The following MYO3A variants were observed in gnomAD, a reference collection of about 807,000 sequenced individuals.
MYO3A encodes myosin IIIA, also known as myosin-IIIa.
Under a neutral mutation model 192.7 loss-of-function variants are expected in MYO3A, and 180 were observed. The observed-to-expected ratio is 0.93, with a 90% CI of 0.83 to 1.06. MYO3A has a LOEUF of 1.06. Among genes scored for constraint, MYO3A ranks in the 50% least tolerant of loss-of-function variants. The pLI, the probability that MYO3A is intolerant of heterozygous loss-of-function variation, is 0.00. For synonymous variants in MYO3A, 628 were observed against 645.3 expected, an observed-to-expected ratio of 0.97 and a Z score of 0.41; for missense variants, 1,896 against 1,905.0, an observed-to-expected ratio of 1.00 and a Z score of 0.09.
chr10:26,167,061 G>A (rs1221758130), intron 27 of MYO3A, among the ~76,000 whole-genome samples: 1 of 152,140 alleles, frequency 6.6e-6, no homozygotes, highest in African/African-American at 2.4e-5. Flanking sequence ...TATATCTTAA[G>A]GGGATATGAA....
Position 26,016,855 on chromosome 10 carries a change from C to G in MYO3A, c.544C>G (p.Arg182Gly). 6.2e-7 allele frequency: 1 copy of G among 1,614,188 alleles called. No individual in the cohort carries two copies. Among genetic ancestry groups the G allele is most frequent in the Non-Finnish European group, 8.5e-7 (1 of 1,180,020 alleles). Residue 182 changes from arginine to glycine, a missense_variant, in exon 7 of 35, where the codon CGG becomes GGG. Coordinates refer to ENST00000642920, the MANE Select transcript of MYO3A (RefSeq NM_017433.5). The part of the protein sequence containing the change: ...SAQLTSTRHR[R>G]NTSVGTPFWM... Reference sequence around the variant, plus strand: ...ACAGCTCACCAGTACCCGGCACCGTCGGAACACATCCGTAGGAACACCGTT... The same window carrying G: ...ACAGCTCACCAGTACCCGGCACCGTGGGAACACATCCGTAGGAACACCGTT...
intron 10 of MYO3A, among the ~76,000 whole-genome samples, chr10:26,054,235 G>A (rs7899450): frequency 0.31 from 47,343 of 152,008 alleles, 7,648 homozygotes; most frequent in Middle Eastern, 0.44. Context: ...AACCAAGGTC[G>A]GAAACAATGG....
intron 17 of MYO3A, among the ~76,000 whole-genome samples, chr10:26,106,962 A>C (rs545811388): frequency 6.6e-6 from 1 of 152,226 alleles, no homozygotes; most frequent in South Asian, 2.1e-4. Flanking sequence ...TGATTACTAA[A>C]GTTATGCCAG....
chr10:25,962,535 C>G (rs529017165), intron 4 of MYO3A, among the ~76,000 whole-genome samples: 12 of 152,204 alleles, frequency 7.9e-5, no homozygotes, highest in African/African-American at 2.6e-4. Flanking sequence ...AAGGGAGAAC[C>G]AATGTTTTCT....
intron 14 of MYO3A, among the ~76,000 whole-genome samples, chr10:26,075,217 T>C (rs1835453416): frequency 6.6e-6 from 1 of 151,948 alleles, no homozygotes; most frequent in Non-Finnish European, 1.5e-5. Context: ...TTTTGGTTAG[T>C]TGAGGTTTTT....
At chr10:26,075,523 G>A (rs897666497) in intron 14 of MYO3A, among the ~76,000 whole-genome samples, 3 of 149,638 alleles carry the variant, frequency 2.0e-5, no homozygotes, top group Admixed American at 6.7e-5. Flanking sequence ...GAGAACATAC[G>A]ATGTTTGTTT....
intron 17 of MYO3A, among the ~76,000 whole-genome samples, chr10:26,107,427 G>A (rs1003165444): frequency 6.9e-6 from 1 of 145,514 alleles, no homozygotes; most frequent in African/African-American, 2.6e-5. Context: ...GTTGCAACGA[G>A]CCAAGATCAC....
intron 17 of MYO3A, among the ~76,000 whole-genome samples, chr10:26,110,176 T>C (rs563939299): frequency 6.6e-6 from 1 of 152,256 alleles, no homozygotes; most frequent in South Asian, 2.1e-4. Context: ...ATGCTTTCTC[T>C]CCATTGATTC....
chr10:25,964,864 A>G (rs1838163640), intron 4 of MYO3A, among the ~76,000 whole-genome samples: 1 of 152,270 alleles, frequency 6.6e-6, no homozygotes, highest in South Asian at 2.1e-4. Context: ...ATTTCACTGG[A>G]TATACTATTC....
chr10:26,120,920 C>T lies in MYO3A; in HGVS notation c.1903+118C>T, dbSNP rs1241411202. ...CTAACCTAGAATCCTTAAAAGAATA[C>T]TCAGATTTAATGTGTGTAAAATTAA... On this transcript the variant is annotated intron_variant, in intron 18 of 34. Coordinates refer to ENST00000642920, the MANE Select transcript of MYO3A (RefSeq NM_017433.5). 5 of 1,314,766 alleles carry T rather than the reference C, an allele frequency of 3.8e-6. No homozygotes were observed. The Admixed American group carries it at 9.8e-5, about 26-fold the overall frequency. The allele number at this position is 1,314,766 out of a possible 1,614,324, so 81.4% of individuals were successfully genotyped here.
At chr10:26,012,731 A>C (rs1315922500) in intron 6 of MYO3A, among the ~76,000 whole-genome samples, 2 of 152,160 alleles carry the variant, frequency 1.3e-5, no homozygotes, top group Non-Finnish European at 2.9e-5. Context: ...ACAGAATTAG[A>C]AAAAAATGAT....
At chr10:26,186,611 G>A (rs188324773) in intron 31 of MYO3A, among the ~76,000 whole-genome samples, 67 of 152,194 alleles carry the variant, frequency 4.4e-4, no homozygotes, top group African/African-American at 1.6e-3. Context: ...AAAGTAAATG[G>A]CATCTTGTTT....
chr10:26,100,635 G>A (rs955886588), intron 17 of MYO3A, among the ~76,000 whole-genome samples: 1 of 151,896 alleles, frequency 6.6e-6, no homozygotes, highest in East Asian at 1.9e-4. Context: ...ATTTATTTCT[G>A]CCTTCATTTC....
intron 10 of MYO3A, among the ~76,000 whole-genome samples, chr10:26,030,843 T>TA (rs1239637354): frequency 2.0e-5 from 3 of 152,154 alleles, no homozygotes; most frequent in Non-Finnish European, 2.9e-5. Flanking sequence ...TGTTGGGAGA[T>TA]ACTATGGAAT....
intron 4 of MYO3A, among the ~76,000 whole-genome samples, chr10:25,981,094 A>C (rs1839300680): frequency 6.6e-6 from 1 of 152,156 alleles, no homozygotes; most frequent in African/African-American, 2.4e-5. Flanking sequence ...GGAATCACAC[A>C]GTATGTAGCC....
At chr10:26,021,364 T>C in intron 7 of MYO3A, 139 bp from the exon 8 acceptor site, 1 of 983,726 alleles carries the variant, frequency 1.0e-6, no homozygotes, top group Non-Finnish European at 1.6e-6. Flanking sequence ...TTTATTCTCC[T>C]CCTAAGTTAC....
intron 31 of MYO3A, among the ~76,000 whole-genome samples, chr10:26,181,149 T>G (rs1381491001): frequency 6.6e-6 from 1 of 152,162 alleles, no homozygotes; most frequent in African/African-American, 2.4e-5. Flanking sequence ...AATGGATGGA[T>G]AATGCTTAAA....
chr10:26,094,676 G>A (rs978915248), intron 15 of MYO3A, among the ~76,000 whole-genome samples: 2 of 151,996 alleles, frequency 1.3e-5, no homozygotes, highest in Non-Finnish European at 1.5e-5. Flanking sequence ...CGCCCACCTC[G>A]GCCTCCCGAA....
At chr10:26,012,355 C>G (rs1841716389) in intron 6 of MYO3A, among the ~76,000 whole-genome samples, 1 of 151,976 alleles carries the variant, frequency 6.6e-6, no homozygotes, top group Non-Finnish European at 1.5e-5. Flanking sequence ...AAGACTCCTC[C>G]AAAAAACTCT....
Sources: allele counts gnomAD v4.1 joint callset (sites outside exome capture counted in the v4.1 genomes callset), GRCh38; gene constraint gnomAD v4.1.1; transcripts MANE v1.5; gene names NCBI Gene and HGNC (gene_info 2026-07-23, HGNC 2026-07-21).